CTNNA2: variants seen among roughly 807,000 people sequenced by gnomAD.
The protein encoded by CTNNA2 is catenin alpha-2.
A neutral mutation model predicts 101.0 loss-of-function variants in CTNNA2; 42 were observed. The observed-to-expected ratio is 0.42, with a 90% CI of 0.32 to 0.54. The LOEUF (loss-of-function observed/expected upper bound fraction) is 0.54. Ranked by LOEUF, CTNNA2 falls within the 20% of genes least tolerant of loss-of-function variation. CTNNA2 has a pLI of 0.14. For synonymous variants in CTNNA2, 450 were observed against 456.4 expected, an observed-to-expected ratio of 0.99 and a Z score of 0.18; for missense variants, 871 against 1,223.1, an observed-to-expected ratio of 0.71 and a Z score of 4.29.
intron 9 of CTNNA2, among the ~76,000 whole-genome samples, chr2:80,534,877 G>A (rs1464047202): frequency 6.6e-6 from 1 of 152,080 alleles, no homozygotes; most frequent in Admixed American, 6.6e-5. Context: ...GTATTACTTT[G>A]TTTTTGGTAA....
intron 6 of CTNNA2, among the ~76,000 whole-genome samples, chr2:79,878,832 C>A (rs1683212159): frequency 6.6e-6 from 1 of 152,092 alleles, no homozygotes; most frequent in Non-Finnish European, 1.5e-5. Flanking sequence ...TGGTTAGATA[C>A]CATTTGTCAA....
At chr2:80,556,963 T>C (rs1327015538) in intron 12 of CTNNA2, among the ~76,000 whole-genome samples, 1 of 152,182 alleles carries the variant, frequency 6.6e-6, no homozygotes, top group African/African-American at 2.4e-5. Flanking sequence ...TTCTGCATGA[T>C]GAGATGTGTT....
At chr2:79,857,942 C>A in intron 3 of CTNNA2, 71 bp from the exon 4 acceptor site, 1 of 1,477,374 alleles carries the variant, frequency 6.8e-7, no homozygotes, top group African/African-American at 1.4e-5. Flanking sequence ...ATTGTCCATT[C>A]ACAGATCTTT....
At chr2:79,385,534 A>T (rs1039381288) in intron 4 of CTNNA2, among the ~76,000 whole-genome samples, 5 of 149,260 alleles carry the variant, frequency 3.3e-5, no homozygotes, top group Non-Finnish European at 7.4e-5. Flanking sequence ...ATTTTGTTTT[A>T]CTTTTAGTTC....
chr2:79,398,490 T>G (rs2104478487), intron 4 of CTNNA2, among the ~76,000 whole-genome samples: 1 of 152,196 alleles, frequency 6.6e-6, no homozygotes, highest in East Asian at 1.9e-4. Context: ...GAGTTTCCAT[T>G]TAAACAAATT....
At chr2:80,470,894 T>C (rs1314832258) in intron 9 of CTNNA2, among the ~76,000 whole-genome samples, 1 of 152,106 alleles carries the variant, frequency 6.6e-6, no homozygotes, top group Non-Finnish European at 1.5e-5. Flanking sequence ...GCTACTCCAG[T>C]TGGGTCTCTC....
At chr2:80,238,324 C>T (rs1466996770) in intron 7 of CTNNA2, among the ~76,000 whole-genome samples, 1 of 152,172 alleles carries the variant, frequency 6.6e-6, no homozygotes, top group Non-Finnish European at 1.5e-5. Flanking sequence ...GAAAGACTTC[C>T]ACTCTGCAGT....
Position 79,755,231 on chromosome 2 carries a change from T to C in CTNNA2, c.298+10649T>C, listed in dbSNP as rs960406445. Among the ~76,000 whole-genome samples, 8 of 152,300 alleles carry C rather than the reference T, an allele frequency of 5.3e-5. No homozygotes were observed. The East Asian group carries it at 1.2e-3, about 22-fold the overall frequency. On this transcript the variant is annotated intron_variant, in intron 3 of 18. Coordinates refer to ENST00000402739, the MANE Select transcript of CTNNA2 (RefSeq NM_001282597.3). Reference sequence around the variant, plus strand: ...CTGTGGTCTCAGCTACTCTAGAGACTGAGGCAGGAGGATAGCTTGAGCCTA... The same window carrying C: ...CTGTGGTCTCAGCTACTCTAGAGACCGAGGCAGGAGGATAGCTTGAGCCTA...
In CTNNA2 at chr2:80,431,012, G is replaced by A. The variant is rs117454791; in HGVS notation, c.1290+11411G>A. ...AGTCACCCCCAGTAAAAATGATGTG[G>A]TATGTAAGAGCAAGAAGTGTTTTAA... On this transcript the variant is annotated intron_variant, in intron 9 of 18. Coordinates refer to ENST00000402739, the MANE Select transcript of CTNNA2 (RefSeq NM_001282597.3). Among the ~76,000 whole-genome samples, 219 of 152,190 alleles carry A rather than the reference G, an allele frequency of 1.4e-3. 5 individuals carry two copies. The East Asian group carries it at 0.039, about 27-fold the overall frequency.
intron 3 of CTNNA2, among the ~76,000 whole-genome samples, chr2:79,854,119 C>A (rs1161985616): frequency 1.5e-5 from 2 of 137,536 alleles, no homozygotes; most frequent in Non-Finnish European, 3.3e-5. Flanking sequence ...AAAAGCAGAG[C>A]ACCATTTTTT....
At chr2:80,164,812 T>C (rs529863037) in intron 7 of CTNNA2, among the ~76,000 whole-genome samples, 22 of 152,198 alleles carry the variant, frequency 1.4e-4, no homozygotes, top group South Asian at 8.3e-4. Flanking sequence ...AATATTTTCA[T>C]TGGATGTAGA....
intron 2 of CTNNA2, among the ~76,000 whole-genome samples, chr2:79,272,707 A>G (rs1232524925): frequency 6.6e-6 from 1 of 152,148 alleles, no homozygotes; most frequent in Admixed American, 6.5e-5. Context: ...TTAAACAGCA[A>G]TAATTACACC....
chr2:80,154,588 T>C (rs1242363185), intron 7 of CTNNA2, among the ~76,000 whole-genome samples: 1 of 152,180 alleles, frequency 6.6e-6, no homozygotes, highest in Non-Finnish European at 1.5e-5. Flanking sequence ...TCATAAAGTG[T>C]TCTAGGCCTG....
At chr2:80,148,218 A>G (rs1448875920) in intron 7 of CTNNA2, among the ~76,000 whole-genome samples, 2 of 152,212 alleles carry the variant, frequency 1.3e-5, no homozygotes, top group Admixed American at 6.5e-5. Flanking sequence ...AGGCATTGGC[A>G]GATTTCTTTC....
At chr2:80,046,649 C>T (rs1203591822) in intron 7 of CTNNA2, among the ~76,000 whole-genome samples, 3 of 152,162 alleles carry the variant, frequency 2.0e-5, no homozygotes, top group Admixed American at 2.0e-4. Flanking sequence ...CACTCACCTC[C>T]AGGCGATCAG....
At chr2:79,299,418 C>CGG (rs1676056669) in intron 2 of CTNNA2, among the ~76,000 whole-genome samples, 1 of 152,188 alleles carries the variant, frequency 6.6e-6, no homozygotes, top group Non-Finnish European at 1.5e-5. Context: ...TAAGAAAACT[C>CGG]TGATTAAGTT....
chr2:80,152,929 T>C (rs1703794166), intron 7 of CTNNA2, among the ~76,000 whole-genome samples: 1 of 152,156 alleles, frequency 6.6e-6, no homozygotes, highest in Non-Finnish European at 1.5e-5. Flanking sequence ...CACCTTCCCT[T>C]CAAGAACTTC....
At position 79,845,081 on chromosome 2, in the gene CTNNA2, GTA is replaced by G. The variant is rs149787594; in HGVS notation, c.299-12918_299-12917del. Reference sequence around the variant, plus strand: ...TGTGTGTGTGTGTATATATATATGTGTATATATATATATATGCACCCTTACCT... The same window carrying G: ...TGTGTGTGTGTGTATATATATATGTGTATATATATATATGCACCCTTACCT... On this transcript the variant is annotated intron_variant, in intron 3 of 18. Transcript: ENST00000402739. 7.0e-3 allele frequency among the ~76,000 whole-genome samples: 1,020 copies of G among 144,920 alleles called. 13 individuals carry two copies. The highest frequency in any genetic ancestry group is 0.04 in the East Asian group (198 of 4,920).
intron 1 of CTNNA2, among the ~76,000 whole-genome samples, chr2:79,539,611 C>G (rs188910536): frequency 6.6e-6 from 1 of 152,248 alleles, no homozygotes; most frequent in African/African-American, 2.4e-5. Flanking sequence ...TAGACAGGAA[C>G]AGGGAGGTTT....
Sources: allele counts gnomAD v4.1 joint callset (sites outside exome capture counted in the v4.1 genomes callset), GRCh38; gene constraint gnomAD v4.1.1; transcripts MANE v1.5; gene names NCBI Gene and HGNC (gene_info 2026-07-23, HGNC 2026-07-21).